SH3BP4: variants seen among roughly 807,000 people sequenced by gnomAD.
The protein encoded by SH3BP4 is SH3 domain binding protein 4.
Under a neutral mutation model 65.5 loss-of-function variants are expected in SH3BP4, and 33 were observed. That is an observed-to-expected ratio of 0.50 (90% CI 0.38 to 0.67). The LOEUF is 0.67. Among genes scored for constraint, SH3BP4 ranks in the 30% least tolerant of loss-of-function variants. The pLI, the probability that SH3BP4 is intolerant of heterozygous loss-of-function variation, is 0.00. For missense variants in SH3BP4, 1,134 were observed against 1,261.4 expected (o/e 0.90, Z 1.53); for synonymous variants, 552 against 545.5 (o/e 1.01, Z -0.17).
intron 1 of SH3BP4, among the ~76,000 whole-genome samples, chr2:234,970,527 A>T (rs1200245557): frequency 6.6e-6 from 1 of 152,256 alleles, no homozygotes; most frequent in Non-Finnish European, 1.5e-5. Context: ...TCATGGTTTT[A>T]CAAAACTTCG....
rs1291715061 is a variant in SH3BP4 at position 235,055,394 on chromosome 2, A to T, written c.*1578A>T. On this transcript the variant is annotated 3_prime_UTR_variant, in exon 6 of 6. Coordinates refer to ENST00000392011, the MANE Select transcript of SH3BP4 (RefSeq NM_014521.3). Reference sequence around the variant, plus strand: ...AAAAAGAACAAACATTAGCTATTTTATGCTGCAAGAACCAGGACACACAAT... The same window carrying T: ...AAAAAGAACAAACATTAGCTATTTTTTGCTGCAAGAACCAGGACACACAAT... 3 of 152,666 alleles carry T rather than the reference A, an allele frequency of 2.0e-5. No individual in the cohort carries two copies. Among genetic ancestry groups the T allele is most frequent in the Non-Finnish European group, 4.4e-5 (3 of 68,038 alleles). The allele number at this position is 152,666 out of a possible 1,614,324, so 9.5% of individuals were successfully genotyped here. A position where few individuals can be genotyped will look rare whatever the true frequency, so the allele number is the denominator to read the frequency against.
chr2:234,961,670 T>G (rs1323973532), intron 1 of SH3BP4, among the ~76,000 whole-genome samples: 1 of 152,196 alleles, frequency 6.6e-6, no homozygotes, highest in African/African-American at 2.4e-5. Context: ...TCTTAGATAC[T>G]GAGTTAATAG....
chr2:234,968,296 C>T (rs187772657), intron 1 of SH3BP4, among the ~76,000 whole-genome samples: 1 of 151,882 alleles, frequency 6.6e-6, no homozygotes, highest in East Asian at 1.9e-4. Context: ...CACCTGATGC[C>T]CAGTGAGTTT....
intron 1 of SH3BP4, among the ~76,000 whole-genome samples, chr2:234,983,692 T>TA (rs943870440): frequency 3.3e-5 from 5 of 152,146 alleles, no homozygotes; most frequent in Non-Finnish European, 5.9e-5. Context: ...TCACGGGTCT[T>TA]TTAAGAGGGA....
At chr2:234,958,437 G>A (rs997918492) in intron 1 of SH3BP4, among the ~76,000 whole-genome samples, 2 of 152,038 alleles carry the variant, frequency 1.3e-5, no homozygotes, top group Non-Finnish European at 2.9e-5. Context: ...GGGGGTGTCT[G>A]GGGAAGGGTC....
intron 2 of SH3BP4, among the ~76,000 whole-genome samples, chr2:235,008,909 G>C (rs1057346764): frequency 2.6e-5 from 4 of 152,196 alleles, no homozygotes; most frequent in African/African-American, 9.6e-5. Context: ...TTGTCTGACT[G>C]TCCTGTAAGC....
chr2:234,994,122 C>T (rs893537968), intron 1 of SH3BP4, among the ~76,000 whole-genome samples: 3 of 152,122 alleles, frequency 2.0e-5, no homozygotes, highest in East Asian at 1.9e-4. Context: ...ACCTATTGGG[C>T]GGTTTCCTTT....
At chr2:235,025,611 G>A (rs1043895600) in intron 2 of SH3BP4, among the ~76,000 whole-genome samples, 9 of 152,196 alleles carry the variant, frequency 5.9e-5, no homozygotes, top group Non-Finnish European at 8.8e-5. Flanking sequence ...CTCAATGCTG[G>A]AAAATTATAA....
chr2:235,054,065 T>G lies in SH3BP4; in HGVS notation c.*249T>G. On this transcript the variant is annotated 3_prime_UTR_variant, in exon 6 of 6. Transcript: ENST00000392011. ...GTTAAGTATAAATTTAAATTTAAAATCACTTTTTTAACGAATGGGGGGAAG... is the reference window on the plus strand; with the variant it reads ...GTTAAGTATAAATTTAAATTTAAAAGCACTTTTTTAACGAATGGGGGGAAG... 1 of 434,134 alleles carries G rather than the reference T, an allele frequency of 2.3e-6. No homozygotes were observed. Among genetic ancestry groups the G allele is most frequent in the Non-Finnish European group, 4.1e-6 (1 of 243,582 alleles). The allele number at this position is 434,134 out of a possible 1,614,324, so 26.9% of individuals were successfully genotyped here. A position where few individuals can be genotyped will look rare whatever the true frequency, so the allele number is the denominator to read the frequency against.
chr2:234,964,415 G>A (rs1408351327), intron 1 of SH3BP4, among the ~76,000 whole-genome samples: 1 of 152,138 alleles, frequency 6.6e-6, no homozygotes, highest in Non-Finnish European at 1.5e-5. Flanking sequence ...ATTCCGGGTG[G>A]GGGAGATAAA....
rs181195729 is a variant in SH3BP4, at chr2:235,038,274, A to C, written c.119-2614A>C. Among the ~76,000 whole-genome samples the C allele has an allele frequency of 3.5e-3, 55 of 15,570 alleles. No homozygotes were observed. In the East Asian group the frequency reaches 0.071, roughly 20 times the overall value. The allele number at this position is 15,570 out of a possible 152,430, so 10.2% of individuals were successfully genotyped here. ...TTATATATAATATATATTATATATA[A>C]TATATATTATATATAATATATATAT... On this transcript the variant is annotated intron_variant, in intron 3 of 5. Coordinates refer to ENST00000392011, the MANE Select transcript of SH3BP4 (RefSeq NM_014521.3).
rs975190825 is a variant in SH3BP4, at chr2:235,026,477, C to T, written c.-132-8394C>T. ...CGGTGTCTGGCACAGAGAACCTTAG[C>T]GCTCCTTCCCCTCCAGGTCTTCCAT... On this transcript the variant is annotated intron_variant, in intron 2 of 5. Coordinates refer to ENST00000392011, the MANE Select transcript of SH3BP4 (RefSeq NM_014521.3). The surrounding 1 kb of genome is among the most constrained non-coding windows in gnomAD (Gnocchi z 4.6). Among the ~76,000 whole-genome samples, 2 of 152,168 alleles carry T rather than the reference C, an allele frequency of 1.3e-5. No homozygotes were observed. Among genetic ancestry groups the T allele is most frequent in the Non-Finnish European group, 2.9e-5 (2 of 68,038 alleles).
In SH3BP4 at chr2:235,055,499, C is replaced by A. The variant is rs555371777; in HGVS notation, c.*1683C>A. On this transcript the variant is annotated 3_prime_UTR_variant, in exon 6 of 6. Coordinates refer to ENST00000392011, the MANE Select transcript of SH3BP4 (RefSeq NM_014521.3). ...AATTTCTCCCAGAGACCATCTATCA[C>A]CTTTTCCCCAAAGAAGAAACAAAAC... 6.5e-6 allele frequency: 1 copy of A among 152,760 alleles called. No individual in the cohort carries two copies. The highest frequency in any genetic ancestry group is 2.4e-5 in the African/African-American group (1 of 41,574). The allele number at this position is 152,760 out of a possible 1,614,324, so 9.5% of individuals were successfully genotyped here. A position where few individuals can be genotyped will look rare whatever the true frequency, so the allele number is the denominator to read the frequency against.
intron 1 of SH3BP4, among the ~76,000 whole-genome samples, chr2:234,957,282 G>T (rs142786242): frequency 2.3e-3 from 350 of 152,208 alleles, no homozygotes; most frequent in African/African-American, 7.8e-3. Flanking sequence ...GCCTCCCAAA[G>T]TGCTGGGATT....
chr2:235,049,741 G>A (rs1695983741), intron 4 of SH3BP4, among the ~76,000 whole-genome samples: 1 of 152,198 alleles, frequency 6.6e-6, no homozygotes, highest in Admixed American at 6.5e-5. Context: ...ATCCAGACCG[G>A]TATTACATTT....
At chr2:235,048,607 TG>T (rs1357489888) in intron 4 of SH3BP4, among the ~76,000 whole-genome samples, 3 of 152,112 alleles carry the variant, frequency 2.0e-5, no homozygotes, top group East Asian at 1.9e-4. Context: ...ACCAAAATGC[TG>T]GTATTATAGG....
At chr2:235,038,382 T>TA (rs1313230821) in intron 3 of SH3BP4, among the ~76,000 whole-genome samples, 4 of 9,344 alleles carry the variant, frequency 4.3e-4, no homozygotes, top group Non-Finnish European at 6.1e-4. Flanking sequence ...TATACATATA[T>TA]ATATATATAT....
chr2:235,031,777 C>A lies in SH3BP4; in HGVS notation c.-132-3094C>A, dbSNP rs548314700. Reference sequence around the variant, plus strand: ...AGCTCTCTGGGCCCCACTAGGTGGCCAGTCGTGCTCTCCAGGTAACAGTTC... The same window carrying A: ...AGCTCTCTGGGCCCCACTAGGTGGCAAGTCGTGCTCTCCAGGTAACAGTTC... On this transcript the variant is annotated intron_variant, in intron 2 of 5. Coordinates refer to ENST00000392011, the MANE Select transcript of SH3BP4 (RefSeq NM_014521.3). Among the ~76,000 whole-genome samples, 201 of 152,350 alleles carry A rather than the reference C, an allele frequency of 1.3e-3. 2 individuals carry two copies. Among genetic ancestry groups the A allele is most frequent in the African/African-American group, 4.7e-3 (197 of 41,588 alleles).
chr2:235,023,415 G>A (rs1425976830), intron 2 of SH3BP4, among the ~76,000 whole-genome samples: 1 of 152,112 alleles, frequency 6.6e-6, no homozygotes, highest in Non-Finnish European at 1.5e-5. Context: ...GGACATGGTG[G>A]TGGAGACCTG....
Sources: allele counts gnomAD v4.1 joint callset (sites outside exome capture counted in the v4.1 genomes callset), GRCh38; gene constraint gnomAD v4.1.1; non-coding constraint Gnocchi (gnomAD v3.1); transcripts MANE v1.5; gene names NCBI Gene and HGNC (gene_info 2026-07-23, HGNC 2026-07-21).